PROX1: variants seen among roughly 807,000 people sequenced by gnomAD.
The protein encoded by PROX1 is prospero homeobox protein 1.
In PROX1, 7 loss-of-function variants were observed where a neutral mutation model predicts 58.8. That is an observed-to-expected ratio of 0.12 (90% CI 0.07 to 0.22). The LOEUF (loss-of-function observed/expected upper bound fraction) is 0.22, where lower values mean the gene tolerates loss of function less well. Ranked by LOEUF, PROX1 falls within the 10% of genes least tolerant of loss-of-function variation. The probability of loss-of-function intolerance (pLI) is 1.00; values close to 1 mark genes in which losing one functional copy is unlikely to be tolerated. For missense variants in PROX1, 675 were observed against 927.8 expected (o/e 0.73, Z 3.54); for synonymous variants, 350 against 358.3 (o/e 0.98, Z 0.26).
At chr1:213,995,750 T>C (rs1357618986) in intron 1 of PROX1, among the ~76,000 whole-genome samples, 2 of 152,170 alleles carry the variant, frequency 1.3e-5, no homozygotes, top group Non-Finnish European at 2.9e-5. Flanking sequence ...TTAAGATATA[T>C]CAACAGATAT....
intron 4 of PROX1, among the ~76,000 whole-genome samples, chr1:214,028,409 G>A (rs1034752525): frequency 6.6e-6 from 1 of 152,102 alleles, no homozygotes; most frequent in Non-Finnish European, 1.5e-5. Context: ...ATTCAGCTAC[G>A]AACAGTGCAG....
chr1:214,022,565 C>T (rs982221972), intron 4 of PROX1, among the ~76,000 whole-genome samples: 2 of 152,166 alleles, frequency 1.3e-5, no homozygotes, highest in African/African-American at 2.4e-5. Context: ...GAAAAGGCGA[C>T]ACTAGCCTGG....
rs1451028945 is a variant in PROX1, at chr1:214,038,799, A to C, written c.*2965A>C. The C allele has an allele frequency of 6.6e-6, 1 of 152,198 alleles. No individual in the cohort carries two copies. Among genetic ancestry groups the C allele is most frequent in the African/African-American group, 2.4e-5 (1 of 41,448 alleles). The allele number at this position is 152,198 out of a possible 1,614,324, so 9.4% of individuals were successfully genotyped here. On this transcript the variant is annotated 3_prime_UTR_variant, in exon 5 of 5. Transcript: ENST00000366958. ...TAGATTTTTTTTCTGGCTGTTTGAC[A>C]TAACGTTGATAGCTATGCATATTTT... is the stretch of plus-strand genomic sequence containing the variant.
In PROX1 at chr1:213,995,465, T is replaced by G. The variant is rs942816294; in HGVS notation, c.-67-1004T>G. Among the ~76,000 whole-genome samples, 141 of 95,956 alleles carry G rather than the reference T, an allele frequency of 1.5e-3. 1 individual carries two copies. The highest frequency in any genetic ancestry group is 6.1e-3 in the African/African-American group (136 of 22,236). The allele number at this position is 95,956 out of a possible 152,430, so 63.0% of individuals were successfully genotyped here. On this transcript the variant is annotated intron_variant, in intron 1 of 4. Coordinates refer to ENST00000366958, the MANE Select transcript of PROX1 (RefSeq NM_001270616.2). ...TATATCTTCTTTCAGTTTTTTCTGTTTTTTTTTTTCCTTTAATTTGGCACA... is the reference window on the plus strand; with the variant it reads ...TATATCTTCTTTCAGTTTTTTCTGTGTTTTTTTTTCCTTTAATTTGGCACA...
At chr1:213,984,023 A>G (rs960361607), upstream of PROX1, 14 of 152,184 alleles carry the variant, frequency 9.2e-5, no homozygotes, top group African/African-American at 3.4e-4. Context: ...CCATCTGTTA[A>G]TATCTTGGTA....
chr1:214,006,147 GT>G (rs1663703167), intron 3 of PROX1, among the ~76,000 whole-genome samples: 1 of 151,832 alleles, frequency 6.6e-6, no homozygotes, highest in Non-Finnish European at 1.5e-5. Context: ...AGGGGTGGGT[GT>G]TTTTTCCCCA....
At chr1:214,002,821 T>G (rs1314374553) in intron 2 of PROX1, among the ~76,000 whole-genome samples, 1 of 152,212 alleles carries the variant, frequency 6.6e-6, no homozygotes, top group East Asian at 1.9e-4. Flanking sequence ...AGATTTATTT[T>G]GAGGAGAAAA....
chr1:213,984,458 G>C (rs759998120), upstream of PROX1: 2 of 152,168 alleles, frequency 1.3e-5, no homozygotes, highest in Non-Finnish European at 2.9e-5. Flanking sequence ...GAAAGCTGTT[G>C]GTTAAACAAA....
Position 213,997,368 on chromosome 1 carries a change from G to A in PROX1, c.833G>A (p.Ser278Asn), listed in dbSNP as rs1381883830. Residue 278 changes from serine to asparagine, a missense_variant, in exon 2 of 5, where the codon AGC (serine) becomes AAC (asparagine). Coordinates refer to ENST00000366958, the MANE Select transcript of PROX1 (RefSeq NM_001270616.2). The surrounding 1 kb of genome is among the most constrained non-coding windows in gnomAD (Gnocchi z 7.1). ...GAAGATGGTAACCTGTCTGAAGACAGCATGCGCTCGGAGATCCTGGATGCC... is the reference window on the plus strand; with the variant it reads ...GAAGATGGTAACCTGTCTGAAGACAACATGCGCTCGGAGATCCTGGATGCC... Reference protein sequence around the residue: ...NDEDGNLSEDSMRSEILDARA... With the variant: ...NDEDGNLSEDNMRSEILDARA... The A allele has an allele frequency of 1.2e-6, 2 of 1,614,036 alleles. No individual in the cohort carries two copies. The highest frequency in any genetic ancestry group is 2.7e-5 in the African/African-American group (2 of 74,936).
At chr1:214,020,635 G>A (rs544638493) in intron 4 of PROX1, among the ~76,000 whole-genome samples, 1 of 152,246 alleles carries the variant, frequency 6.6e-6, no homozygotes, top group South Asian at 2.1e-4. Flanking sequence ...TACATAATTG[G>A]TATGTTTAAT....
chr1:214,022,095 A>T (rs1473057438), intron 4 of PROX1, among the ~76,000 whole-genome samples: 2 of 152,130 alleles, frequency 1.3e-5, no homozygotes, highest in Admixed American at 1.3e-4. Context: ...TGCTTTGGGG[A>T]GTCTTTCCAC....
Position 213,997,396 on chromosome 1 carries a change from G to A in PROX1, c.861G>A (p.Arg287=). The A allele has an allele frequency of 6.2e-7, 1 of 1,614,016 alleles. No homozygotes were observed. Among genetic ancestry groups the A allele is most frequent in the Non-Finnish European group, 8.5e-7 (1 of 1,180,002 alleles). Residue 287 remains arginine, a synonymous_variant, in exon 2 of 5, where the codon AGG becomes AGA. Transcript: ENST00000366958. This position sits in a 1 kb window ranked among gnomAD's most constrained non-coding sequence, Gnocchi z 7.1. ...DSMRSEILDA[R]AQDSVGRSDN... ...TGCGCTCGGAGATCCTGGATGCCAGGGCCCAGGACTCTGTCGGAAGGTCAG... is the reference window on the plus strand; with the variant it reads ...TGCGCTCGGAGATCCTGGATGCCAGAGCCCAGGACTCTGTCGGAAGGTCAG...
intron 4 of PROX1, chr1:214,031,034 CGTGTGTGTGTGT>C (rs34640999): frequency 7.6e-5 from 11 of 145,496 alleles, no homozygotes; most frequent in African/African-American, 1.0e-4. Context: ...CCCAACACAC[CGTGTGTGTGTGT>C]GTGTGTGTGT....
chr1:214,025,890 C>T (rs975718857), intron 4 of PROX1, among the ~76,000 whole-genome samples: 1 of 152,002 alleles, frequency 6.6e-6, no homozygotes, highest in Non-Finnish European at 1.5e-5. Context: ...TATTGAACTC[C>T]TGACCTCATG....
rs1191677353 is a variant in PROX1 at position 214,005,196 on chromosome 1, A to G, written c.1757A>G (p.Lys586Arg). 2 of 1,613,978 alleles carry G rather than the reference A, an allele frequency of 1.2e-6. No individual in the cohort carries two copies. The highest frequency in any genetic ancestry group is 2.7e-5 in the African/African-American group (2 of 74,922). Reference protein sequence around the residue: ...MQEGLSPNHLKKAKLMFFYTR... With the variant: ...MQEGLSPNHLRKAKLMFFYTR... The stretch of plus-strand genomic sequence containing the variant: ...GAAGGATTGTCACCCAATCACTTGA[A>G]AAAAGCAAAGCTCATGTTTTTTTAT... Residue 586 changes from lysine to arginine, a missense_variant, in exon 3 of 5, where the codon AAA (lysine) becomes AGA (arginine). Lys to Arg is a conservative substitution (Grantham distance 26, BLOSUM62 2). This residue lies in a region of PROX1 where 39 missense variants were observed against 73.4 expected (regional missense o/e 0.53). Transcript: ENST00000366958.
intron 4 of PROX1, among the ~76,000 whole-genome samples, chr1:214,023,203 G>A (rs1664341515): frequency 6.6e-6 from 1 of 152,210 alleles, no homozygotes; most frequent in Admixed American, 6.5e-5. Flanking sequence ...GAGGAAATTT[G>A]TCAGTGAAGC....
intron 2 of PROX1, among the ~76,000 whole-genome samples, chr1:214,000,057 CACACACACAG>C (rs1392343609): frequency 2.0e-5 from 3 of 152,036 alleles, no homozygotes; most frequent in African/African-American, 7.3e-5. Flanking sequence ...CACACACACA[CACACACACAG>C]ACACACACAC....
intron 4 of PROX1, chr1:214,029,315 T>A (rs902414485): frequency 6.6e-6 from 1 of 152,190 alleles, no homozygotes; most frequent in African/African-American, 2.4e-5. Context: ...CTATGTATGA[T>A]TGGTACATCA....
chr1:214,033,267 G>A (rs1165373685), intron 4 of PROX1, among the ~76,000 whole-genome samples: 2 of 152,212 alleles, frequency 1.3e-5, no homozygotes, highest in South Asian at 2.1e-4. Flanking sequence ...GCCGTTGGCT[G>A]ATGAAACCAC....
Sources: allele counts gnomAD v4.1 joint callset (sites outside exome capture counted in the v4.1 genomes callset), GRCh38; gene constraint gnomAD v4.1.1; regional missense constraint gnomAD v4.1.1; non-coding constraint Gnocchi (gnomAD v3.1); transcripts MANE v1.5; gene names NCBI Gene and HGNC (gene_info 2026-07-23, HGNC 2026-07-21).